IL34: variants seen among roughly 807,000 people sequenced by gnomAD.
IL34 encodes interleukin 34.
In IL34, 17 loss-of-function variants were observed where a neutral mutation model predicts 25.3. That is an observed-to-expected ratio of 0.67 (90% CI 0.46 to 1.01). IL34 has a LOEUF of 1.01. Among genes scored for constraint, IL34 ranks in the 50% least tolerant of loss-of-function variants. The pLI is 0.00. For missense variants in IL34, 368 were observed against 312.9 expected (o/e 1.18, Z -1.33); for synonymous variants, 174 against 140.9 (o/e 1.23, Z -1.66).
chr16:70,594,667 A>G (rs1223203353), intron 1 of IL34, among the ~76,000 whole-genome samples: 2 of 152,162 alleles, frequency 1.3e-5, no homozygotes, highest in Non-Finnish European at 2.9e-5. Flanking sequence ...GGGCCCAAAG[A>G]GGACTTTCTG....
chr16:70,625,719 A>T (rs2051378623), intron 1 of IL34, among the ~76,000 whole-genome samples: 1 of 152,196 alleles, frequency 6.6e-6, no homozygotes, highest in African/African-American at 2.4e-5. Context: ...CCACCGATAA[A>T]ACGTGTCTGC....
intron 1 of IL34, among the ~76,000 whole-genome samples, chr16:70,586,864 A>G (rs1567434728): frequency 1.3e-5 from 2 of 152,226 alleles, no homozygotes; most frequent in Non-Finnish European, 2.9e-5. Context: ...ATGAGATGTG[A>G]CCCCAGATGG....
chr16:70,600,151 A>C (rs1248875532), intron 1 of IL34, among the ~76,000 whole-genome samples: 2 of 151,352 alleles, frequency 1.3e-5, no homozygotes, highest in Non-Finnish European at 2.9e-5. Context: ...CTTTATCCCC[A>C]CTTCTCTCTT....
chr16:70,647,475 T>G lies in IL34; in HGVS notation c.28+500T>G, dbSNP rs559818794. On this transcript the variant is annotated intron_variant, in intron 1 of 5. Coordinates refer to ENST00000288098, the MANE Select transcript of IL34 (RefSeq NM_001393494.1). ...ATTAAAAAGCAGAAAGATAACACTG[T>G]TGGTAAAAAGAAAAATAAGTTGAAA... Among the ~76,000 whole-genome samples, 5 of 152,190 alleles carry G rather than the reference T, an allele frequency of 3.3e-5. No homozygotes were observed. In the East Asian group the frequency reaches 9.7e-4, roughly 29 times the overall value.
At chr16:70,631,605 T>A (rs913413776) in intron 1 of IL34, among the ~76,000 whole-genome samples, 6 of 152,210 alleles carry the variant, frequency 3.9e-5, no homozygotes, top group Non-Finnish European at 7.3e-5. Context: ...AAAACTAAAC[T>A]TGGGACTCAC....
intron 1 of IL34, among the ~76,000 whole-genome samples, chr16:70,600,726 A>G (rs972386937): frequency 7.2e-5 from 11 of 152,176 alleles, no homozygotes; most frequent in Non-Finnish European, 1.6e-4. Flanking sequence ...TGATATGACA[A>G]TATGTTGGTA....
rs768715713 is a variant in IL34, at chr16:70,659,993, G to A, written c.539-4G>A. On this transcript the variant is annotated splice_region_variant and splice_polypyrimidine_tract_variant and intron_variant, in intron 5 of 5. Coordinates refer to ENST00000288098, the MANE Select transcript of IL34 (RefSeq NM_001393494.1). ...TCTTTTTTTTTTTCCCCTATCTCTT[G>A]CAGGTAAACAAAGCTCCGTCCTAAA... 1.9e-6 allele frequency: 3 copies of A among 1,567,322 alleles called. No homozygotes were observed. Among genetic ancestry groups the A allele is most frequent in the African/African-American group, 2.8e-5 (2 of 72,030 alleles).
intron 1 of IL34, among the ~76,000 whole-genome samples, chr16:70,617,600 C>T (rs1202324873): frequency 6.6e-6 from 1 of 152,216 alleles, no homozygotes; most frequent in East Asian, 1.9e-4. Flanking sequence ...ATTCCGAAGA[C>T]AGGCCTGAAT....
At chr16:70,610,834 A>C (rs748288965) in intron 1 of IL34, among the ~76,000 whole-genome samples, 7 of 152,214 alleles carry the variant, frequency 4.6e-5, no homozygotes, top group Non-Finnish European at 1.0e-4. Context: ...GGGCCCCCTC[A>C]AGCCTGCCGG....
chr16:70,621,508 G>A (rs1329162125), intron 1 of IL34, among the ~76,000 whole-genome samples: 4 of 152,196 alleles, frequency 2.6e-5, no homozygotes, highest in Admixed American at 2.6e-4. Flanking sequence ...TCGGTCTGAG[G>A]ACCTGAGGTC....
intron 1 of IL34, among the ~76,000 whole-genome samples, chr16:70,620,286 G>C (rs1385629879): frequency 6.6e-6 from 1 of 152,046 alleles, no homozygotes; most frequent in African/African-American, 2.4e-5. Context: ...TGATGAAAAA[G>C]AGCCTAAACG....
At chr16:70,640,498 C>A (rs1193166689) in intron 1 of IL34, among the ~76,000 whole-genome samples, 1 of 151,896 alleles carries the variant, frequency 6.6e-6, no homozygotes, top group Non-Finnish European at 1.5e-5. Context: ...GTGGTGCATG[C>A]CTGTAATCCC....
At chr16:70,652,408 T>G (rs1305082275) in intron 1 of IL34, among the ~76,000 whole-genome samples, 1 of 152,018 alleles carries the variant, frequency 6.6e-6, no homozygotes, top group Non-Finnish European at 1.5e-5. Context: ...CAGTGAACAA[T>G]GATGGTGCCA....
At chr16:70,592,526 C>T (rs1254913625) in intron 1 of IL34, among the ~76,000 whole-genome samples, 2 of 152,096 alleles carry the variant, frequency 1.3e-5, no homozygotes, top group Non-Finnish European at 2.9e-5. Flanking sequence ...GACTTGAATC[C>T]TGGGCTGTCT....
At chr16:70,630,335 G>A (rs1201831022) in intron 1 of IL34, among the ~76,000 whole-genome samples, 4 of 152,038 alleles carry the variant, frequency 2.6e-5, no homozygotes, top group South Asian at 2.1e-4. Context: ...CCTCCCCAGC[G>A]ATTCTCCTGC....
At chr16:70,628,999 A>T (rs2051459340) in intron 1 of IL34, among the ~76,000 whole-genome samples, 1 of 152,132 alleles carries the variant, frequency 6.6e-6, no homozygotes, top group Non-Finnish European at 1.5e-5. Flanking sequence ...TATGTTGCCC[A>T]GGCTGGTCTC....
At chr16:70,630,553 C>G (rs985456893) in intron 1 of IL34, among the ~76,000 whole-genome samples, 11 of 151,612 alleles carry the variant, frequency 7.3e-5, no homozygotes, top group African/African-American at 2.7e-4. Context: ...CTCCTCTCCC[C>G]TCCCCTCTCC....
intron 1 of IL34, among the ~76,000 whole-genome samples, chr16:70,613,660 G>A (rs987215640): frequency 1.3e-5 from 2 of 152,038 alleles, no homozygotes; most frequent in East Asian, 1.9e-4. Context: ...GATCACCAGA[G>A]GTCAGGAGCT....
In IL34 at chr16:70,654,545, G is replaced by C. The variant is rs1303846705; in HGVS notation, c.36G>C (p.Gly12=). ...GTCGGGTGTGGTCCACAGATCTTGGGATCTTCCTTGGCGTGGCCTTGGGGA... is the reference window on the plus strand; with the variant it reads ...GTCGGGTGTGGTCCACAGATCTTGGCATCTTCCTTGGCGTGGCCTTGGGGA... ...PRGFTWLRYL[G]IFLGVALGNE... The change falls in exon 2 of 6, where the codon GGG becomes GGC. Residue 12 remains glycine, a synonymous_variant. Transcript: ENST00000288098. 6.2e-7 allele frequency: 1 copy of C among 1,609,788 alleles called. No individual in the cohort carries two copies. The highest frequency in any genetic ancestry group is 8.5e-7 in the Non-Finnish European group (1 of 1,176,910).
Sources: gnomAD v4.1 joint callset for allele counts (sites outside exome capture counted in the v4.1 genomes callset) on GRCh38, gnomAD v4.1.1 for gene constraint, MANE v1.5 for transcripts, NCBI Gene and HGNC (gene_info 2026-07-23, HGNC 2026-07-21) for gene names.